The following ARHGAP10 variants were observed in gnomAD, a reference collection of about 807,000 sequenced individuals.
ARHGAP10 encodes the protein rho GTPase-activating protein 10.
ARHGAP10 carries 87 observed loss-of-function variants against 108.6 expected under a neutral mutation model. The observed-to-expected ratio is 0.80, with a 90% CI of 0.67 to 0.96. The LOEUF (loss-of-function observed/expected upper bound fraction) is 0.96, where lower values mean the gene tolerates loss of function less well. ARHGAP10 is among the 40% of genes least tolerant of loss of function. The pLI, the probability that ARHGAP10 is intolerant of heterozygous loss-of-function variation, is 0.00. For missense variants in ARHGAP10, 939 were observed against 954.5 expected (o/e 0.98, Z 0.21); for synonymous variants, 347 against 341.1 (o/e 1.02, Z -0.19).
chr4:147,796,102 TC>T (rs934014990), intron 1 of ARHGAP10, among the ~76,000 whole-genome samples: 21 of 152,136 alleles, frequency 1.4e-4, no homozygotes, highest in Middle Eastern at 6.8e-3. Context: ...GTTTATAATT[TC>T]CCCCCCTTCT....
intron 20 of ARHGAP10, among the ~76,000 whole-genome samples, chr4:148,060,344 A>AT (rs1411745355): frequency 7.4e-5 from 9 of 120,820 alleles, no homozygotes; most frequent in African/African-American, 9.1e-5. Flanking sequence ...GCTCATGTTT[A>AT]GTTTTTTTTT....
At chr4:147,759,942 G>A (rs1579009626) in intron 1 of ARHGAP10, among the ~76,000 whole-genome samples, 2 of 152,128 alleles carry the variant, frequency 1.3e-5, no homozygotes, top group East Asian at 3.9e-4. Context: ...TAGAGACGGT[G>A]TTTCACCATG....
intron 16 of ARHGAP10, among the ~76,000 whole-genome samples, chr4:147,957,845 G>T (rs1028088336): frequency 6.6e-6 from 1 of 152,012 alleles, no homozygotes; most frequent in Non-Finnish European, 1.5e-5. Context: ...ACCACAAAAG[G>T]CACATTTGTT....
intron 1 of ARHGAP10, among the ~76,000 whole-genome samples, chr4:147,744,056 G>C (rs1015061589): frequency 5.9e-5 from 9 of 152,176 alleles, no homozygotes; most frequent in African/African-American, 2.2e-4. Context: ...GTGTATATTA[G>C]TGCAGAAGAG....
chr4:147,966,850 T>C lies in ARHGAP10; in HGVS notation c.1716+11T>C. On this transcript the variant is annotated intron_variant, in intron 18 of 22. Transcript: ENST00000336498. ...GAAAACCATGAAAAGGTAAAATTTT[T>C]TTTTTCTTTAAGAGACTTTGTTTTC... 6.4e-7 allele frequency: 1 copy of C among 1,557,118 alleles called. No individual in the cohort carries two copies. The highest frequency in any genetic ancestry group is 1.2e-5 in the South Asian group (1 of 82,954).
chr4:147,747,755 C>T (rs1728995566), intron 1 of ARHGAP10, among the ~76,000 whole-genome samples: 1 of 151,720 alleles, frequency 6.6e-6, no homozygotes, highest in Admixed American at 6.6e-5. Context: ...TTTCAGCTGT[C>T]AGTGAGAGGA....
intron 19 of ARHGAP10, among the ~76,000 whole-genome samples, chr4:148,029,247 G>A (rs1451308533): frequency 1.3e-5 from 2 of 152,070 alleles, no homozygotes; most frequent in Non-Finnish European, 2.9e-5. Context: ...TTTCCTCACA[G>A]GCACATATAT....
intron 18 of ARHGAP10, among the ~76,000 whole-genome samples, chr4:148,006,337 C>A (rs151046533): frequency 6.6e-6 from 1 of 152,214 alleles, no homozygotes; most frequent in Admixed American, 6.5e-5. Context: ...GCAGACATGA[C>A]GTGGGGAAAA....
At chr4:147,895,342 AT>A (rs1253639784) in intron 10 of ARHGAP10, among the ~76,000 whole-genome samples, 7 of 151,934 alleles carry the variant, frequency 4.6e-5, no homozygotes, top group African/African-American at 1.7e-4. Flanking sequence ...TTTCTTTAGG[AT>A]TTTTAAATGT....
chr4:147,850,678 G>T (rs1023786761), intron 4 of ARHGAP10, among the ~76,000 whole-genome samples: 6 of 152,226 alleles, frequency 3.9e-5, no homozygotes, highest in Admixed American at 2.6e-4. Context: ...TCACTGCGAG[G>T]GTCCGCGGCT....
chr4:147,797,646 C>T (rs1011106731), intron 1 of ARHGAP10, among the ~76,000 whole-genome samples: 8 of 152,074 alleles, frequency 5.3e-5, no homozygotes, highest in African/African-American at 9.7e-5. Flanking sequence ...CTCTTGACCT[C>T]GTGATCTGCC....
chr4:148,040,718 T>C (rs1209065079), intron 19 of ARHGAP10, among the ~76,000 whole-genome samples: 3 of 152,172 alleles, frequency 2.0e-5, no homozygotes, highest in Non-Finnish European at 1.5e-5. Flanking sequence ...CTTTGGCTAA[T>C]GGTCCCTCTG....
At chr4:147,909,032 A>G (rs547886293) in intron 11 of ARHGAP10, among the ~76,000 whole-genome samples, 15 of 152,324 alleles carry the variant, frequency 9.8e-5, no homozygotes, top group Non-Finnish European at 1.9e-4. Context: ...AGACTGCCTG[A>G]GTTCAGGTGC....
intron 1 of ARHGAP10, among the ~76,000 whole-genome samples, chr4:147,798,767 CTCTCTCTCTCTCTCTATATATA>C (rs1371709421): frequency 1.5e-3 from 10 of 6,650 alleles, no homozygotes; most frequent in Non-Finnish European, 2.3e-3. Flanking sequence ...CTCTCTCTCT[CTCTCTCTCTCTCTCTATATATA>C]TATATATATA....
chr4:147,796,337 T>C (rs781365194), intron 1 of ARHGAP10, among the ~76,000 whole-genome samples: 30 of 152,178 alleles, frequency 2.0e-4, no homozygotes, highest in Non-Finnish European at 4.3e-4. Flanking sequence ...CCCATTGTGG[T>C]AAAATATATT....
intron 18 of ARHGAP10, among the ~76,000 whole-genome samples, chr4:147,969,039 A>G (rs926093541): frequency 2.6e-5 from 4 of 152,224 alleles, no homozygotes; most frequent in African/African-American, 9.6e-5. Context: ...TACCTGGTAC[A>G]TATTAGGTGT....
At chr4:148,030,245 G>A (rs1256126785) in intron 19 of ARHGAP10, among the ~76,000 whole-genome samples, 1 of 152,140 alleles carries the variant, frequency 6.6e-6, no homozygotes, top group Non-Finnish European at 1.5e-5. Flanking sequence ...TCTCCCTGTG[G>A]AGTGGGTTTT....
At chr4:147,869,849 C>T (rs1435703055) in intron 7 of ARHGAP10, among the ~76,000 whole-genome samples, 1 of 152,052 alleles carries the variant, frequency 6.6e-6, no homozygotes, top group Non-Finnish European at 1.5e-5. Context: ...AAGCAGGTCA[C>T]TCATTCTGTA....
intron 1 of ARHGAP10, among the ~76,000 whole-genome samples, chr4:147,780,200 G>A (rs989281499): frequency 1.3e-4 from 20 of 152,136 alleles, no homozygotes; most frequent in East Asian, 3.8e-4. Context: ...GGCTGCACTC[G>A]TTTCACTTCC....
Sources: gnomAD v4.1 joint callset for allele counts (sites outside exome capture counted in the v4.1 genomes callset) on GRCh38, gnomAD v4.1.1 for gene constraint, MANE v1.5 for transcripts, NCBI Gene and HGNC (gene_info 2026-07-23, HGNC 2026-07-21) for gene names.